The following UNC13D variants were observed in gnomAD, a reference collection of about 807,000 sequenced individuals.
UNC13D encodes the protein unc-13 homolog D.
In UNC13D, 115 loss-of-function variants were observed where a neutral mutation model predicts 151.7. That is an observed-to-expected ratio of 0.76 (90% CI 0.65 to 0.88). The LOEUF (loss-of-function observed/expected upper bound fraction) is 0.88. Ranked by LOEUF, UNC13D falls within the 40% of genes least tolerant of loss-of-function variation. The pLI, the probability that UNC13D is intolerant of heterozygous loss-of-function variation, is 0.00. For synonymous variants in UNC13D, 588 were observed against 612.2 expected (o/e 0.96, Z 0.58); for missense variants, 1,369 against 1,438.7 (o/e 0.95, Z 0.78).
chr17:75,836,892 T>G lies in UNC13D; in HGVS notation c.1082A>C (p.Tyr361Ser), dbSNP rs1375824403. The change falls in exon 13 of 32, where the codon TAC becomes TCC. Residue 361 changes from tyrosine (Y) to serine (S), a missense_variant. Around this residue, in one of 3 missense-constraint regions of UNC13D, gnomAD observed 550 missense variants for 609.0 expected, o/e 0.90. Transcript: ENST00000207549. Reference sequence around the variant, plus strand: ...GCTGCTGGGGAACTCCAGGCTCTGGTAGAGGCGGCTGTAGGCCAGCCACTG... The same window carrying G: ...GCTGCTGGGGAACTCCAGGCTCTGGGAGAGGCGGCTGTAGGCCAGCCACTG... ...MAQWLAYSRL[Y>S]QSLEFPSSCL... The G allele has an allele frequency of 1.2e-6, 2 of 1,613,224 alleles. No individual in the cohort carries two copies. The highest frequency in any genetic ancestry group is 2.2e-5 in the East Asian group (1 of 44,876).
At position 75,843,810 on chromosome 17, in the gene UNC13D, G is replaced by A. The variant is rs2064966668; in HGVS notation, c.118-291C>T. 4 of 1,384,826 alleles carry A rather than the reference G, an allele frequency of 2.9e-6. No individual in the cohort carries two copies. The East Asian group carries it at 1.1e-4, about 38-fold the overall frequency. 85.8% of individuals were successfully genotyped at this position (1,384,826 alleles called of 1,614,324 possible). On this transcript the variant is annotated intron_variant, in intron 1 of 31. Coordinates refer to ENST00000207549, the MANE Select transcript of UNC13D (RefSeq NM_199242.3). ...ACAGCTCTGCTTATCAGTGGCGGCT[G>A]CTCCTCACCCAGCAGCGGAAGTGAG...
intron 21 of UNC13D, 60 bp from the exon 22 acceptor site, chr17:75,834,776 TG>T (rs1750777596): frequency 6.2e-7 from 1 of 1,606,314 alleles, no homozygotes; most frequent in East Asian, 2.2e-5. Context: ...GAAGGGCAGG[TG>T]GGAGGGCATG....
Position 75,840,020 on chromosome 17 carries a change from C to T in UNC13D, c.949G>A (p.Glu317Lys), listed in dbSNP as rs777818719. The T allele has an allele frequency of 3.1e-6, 5 of 1,613,584 alleles. No individual in the cohort carries two copies. The highest frequency in any genetic ancestry group is 2.2e-5 in the East Asian group (1 of 44,886). ...QLVSHEVTQH[E>K]AGSTSWDGSL... is the part of the protein sequence containing the mutation. ...GCCCAGCCCCAGGAGGGCAATACCT[C>T]GTGCTGGGTGACCTCGTGGGACACA... Residue 317 changes from glutamate (E) to lysine (K), a missense_variant and splice_region_variant, in exon 11 of 32, where the codon GAG (glutamate) becomes AAG (lysine). By Grantham distance (56) the Glu-to-Lys change is moderately conservative. This residue lies in a region of UNC13D where 550 missense variants were observed against 609.0 expected (regional missense o/e 0.90). Coordinates refer to ENST00000207549, the MANE Select transcript of UNC13D (RefSeq NM_199242.3). This position sits in a 1 kb window ranked among gnomAD's most constrained non-coding sequence, Gnocchi z 4.6.
intron 5 of UNC13D, 72 bp from the exon 6 acceptor site, chr17:75,842,685 C>T (rs989259060): frequency 1.1e-5 from 18 of 1,605,434 alleles, no homozygotes; most frequent in Admixed American, 6.7e-5. Context: ...TCATCACCCC[C>T]GCCCGGGGCT....
intron 19 of UNC13D, 46 bp downstream of exon 19, chr17:75,835,601 C>A: frequency 6.2e-7 from 1 of 1,612,516 alleles, no homozygotes; most frequent in South Asian, 1.1e-5. Context: ...TCCACCCTCC[C>A]CTCCCCTGTG....
Position 75,828,862 on chromosome 17 carries a change from G to A in UNC13D, c.3076C>T (p.Pro1026Ser), listed in dbSNP as rs1185866259. Residue 1026 changes from proline (P) to serine (S), a missense_variant, in exon 31 of 32, where the codon CCC (proline) becomes TCC (serine). Coordinates refer to ENST00000207549, the MANE Select transcript of UNC13D (RefSeq NM_199242.3). ...GEAFLPLREV[P>S]GLSGSEEPGE... ...GGCTCCTCAGAGCCACTCAGCCCGG[G>A]CACCTCACGCAGCGGCAGGAAGGCC... The A allele has an allele frequency of 6.3e-7, 1 of 1,597,170 alleles. No homozygotes were observed. Among genetic ancestry groups the A allele is most frequent in the South Asian group, 1.1e-5 (1 of 89,476 alleles).
intron 27 of UNC13D, 97 bp downstream of exon 27, chr17:75,831,000 TG>T: frequency 7.1e-7 from 1 of 1,411,874 alleles, no homozygotes; most frequent in Non-Finnish European, 9.8e-7. Flanking sequence ...CATTTTGTAC[TG>T]GGCCCCATAA....
intron 26 of UNC13D, 22 bp from the exon 27 acceptor site, chr17:75,831,191 A>AC (rs2064869984): frequency 2.5e-6 from 4 of 1,613,856 alleles, no homozygotes; most frequent in Non-Finnish European, 3.4e-6. Context: ...ATCAGAGGTG[A>AC]CCCCAGGCAC....
chr17:75,837,653 C>T (rs2064917960), intron 12 of UNC13D, among the ~76,000 whole-genome samples: 1 of 149,284 alleles, frequency 6.7e-6, no homozygotes, highest in Admixed American at 6.7e-5. Flanking sequence ...ACTTGGGAGG[C>T]TGAGACAAGA....
intron 12 of UNC13D, 41 bp downstream of exon 12, chr17:75,839,798 G>C: frequency 6.2e-7 from 1 of 1,603,540 alleles, no homozygotes; most frequent in South Asian, 1.1e-5. Flanking sequence ...GGGCGTGGGG[G>C]GCTGGTGGCT....
chr17:75,837,952 C>T (rs190498892), intron 12 of UNC13D, among the ~76,000 whole-genome samples: 63 of 152,240 alleles, frequency 4.1e-4, no homozygotes, highest in Admixed American at 3.6e-3. Flanking sequence ...ACTGCAGCCA[C>T]CTGCATTACT....
At position 75,830,414 on chromosome 17, in the gene UNC13D, C is replaced by T; in HGVS notation, c.2778G>A (p.Lys926=). The change falls in exon 29 of 32, where the codon AAG becomes AAA. Residue 926 remains lysine, a synonymous_variant. Coordinates refer to ENST00000207549, the MANE Select transcript of UNC13D (RefSeq NM_199242.3). The part of the protein sequence containing the change: ...VKASYRASEQ[K]LRVELLSASS... ...AGGCGCTGAGCAGCTCCACACGCAG[C>T]TTCTGCTCAGAGGCGCGGTAGGAGG... 1 of 1,588,742 alleles carries T rather than the reference C, an allele frequency of 6.3e-7. No homozygotes were observed.
At chr17:75,837,336 G>C (rs1322559518) in intron 12 of UNC13D, among the ~76,000 whole-genome samples, 1 of 151,460 alleles carries the variant, frequency 6.6e-6, no homozygotes, top group Non-Finnish European at 1.5e-5. Flanking sequence ...AAAGTTCTGG[G>C]ATTACAGACA....
Position 75,832,727 on chromosome 17 carries a change from G to C in UNC13D, c.2447+239C>G. 2.1e-6 allele frequency: 1 copy of C among 476,956 alleles called. No individual in the cohort carries two copies. The highest frequency in any genetic ancestry group is 3.9e-6 in the Non-Finnish European group (1 of 255,132). 29.5% of individuals were successfully genotyped at this position (476,956 alleles called of 1,614,324 possible). The stretch of plus-strand genomic sequence containing the variant: ...GGCAAGCTCCCCGTCCCTGCAGCGA[G>C]CCTTAGCAGAGCCTGTTGCACCCAT... On this transcript the variant is annotated intron_variant, in intron 25 of 31. Transcript: ENST00000207549. This position sits in a 1 kb window ranked among gnomAD's most constrained non-coding sequence, Gnocchi z 4.3.
Position 75,830,791 on chromosome 17 carries a change from C to T in UNC13D, c.2626-130G>A, listed in dbSNP as rs940986659. ...TGGAAAGTATTGGGTCATGGGACAA[C>T]GGGCTGGGGCCACCCTCAGGCCAGA... On this transcript the variant is annotated intron_variant, in intron 27 of 31. Coordinates refer to ENST00000207549, the MANE Select transcript of UNC13D (RefSeq NM_199242.3). 142 of 1,169,998 alleles carry T rather than the reference C, an allele frequency of 1.2e-4. 1 individual carries two copies. In the East Asian group the frequency reaches 1.9e-3, roughly 16 times the overall value. 72.5% of individuals were successfully genotyped at this position (1,169,998 alleles called of 1,614,324 possible).
At chr17:75,844,083 C>A in intron 1 of UNC13D, 138 bp downstream of exon 1, 1 of 1,501,450 alleles carries the variant, frequency 6.7e-7, no homozygotes, top group Non-Finnish European at 9.0e-7. Context: ...GGGGCTCTCC[C>A]CAGGGTGGAG....
chr17:75,830,537 C>T, intron 28 of UNC13D, 41 bp downstream of exon 28: 2 of 1,574,812 alleles, frequency 1.3e-6, no homozygotes, highest in South Asian at 1.2e-5. Context: ...GCGGGGTGCT[C>T]CAGGGCCTGC....
intron 1 of UNC13D, chr17:75,843,781 G>A (rs1375626518): frequency 1.4e-6 from 2 of 1,408,186 alleles, no homozygotes; most frequent in East Asian, 2.6e-5. Context: ...CTTCCCCAGA[G>A]GAAACAGCTC....
rs376856418 is a variant in UNC13D at position 75,836,791 on chromosome 17, G to C, written c.1173+10C>G. ...TGCCTGCTCAGTGCCCCTTGCCACT[G>C]CATGCCTACCTGTTCTGCCTTGAGC... On this transcript the variant is annotated intron_variant, in intron 13 of 31. Coordinates refer to ENST00000207549, the MANE Select transcript of UNC13D (RefSeq NM_199242.3). 1 of 1,613,820 alleles carries C rather than the reference G, an allele frequency of 6.2e-7. No individual in the cohort carries two copies. The highest frequency in any genetic ancestry group is 8.5e-7 in the Non-Finnish European group (1 of 1,180,030).
Sources: allele counts gnomAD v4.1 joint callset (sites outside exome capture counted in the v4.1 genomes callset), GRCh38; gene constraint gnomAD v4.1.1; regional missense constraint gnomAD v4.1.1; non-coding constraint Gnocchi (gnomAD v3.1); transcripts MANE v1.5; gene names NCBI Gene and HGNC (gene_info 2026-07-23, HGNC 2026-07-21).